AGMO: variants seen among roughly 807,000 people sequenced by gnomAD.
The protein encoded by AGMO is glyceryl-ether monooxygenase.
In AGMO, 75 loss-of-function variants were observed where a neutral mutation model predicts 60.2. The observed-to-expected ratio is 1.25, with a 90% CI of 1.03 to 1.51. The LOEUF is 1.51. Among genes scored for constraint, AGMO ranks in the 40% most tolerant of loss-of-function variants. The pLI is 0.00. For missense variants in AGMO, 763 were observed against 525.5 expected (o/e 1.45, Z -4.42); for synonymous variants, 261 against 177.1 (o/e 1.47, Z -3.76).
chr7:15,341,329 G>T (rs1399058034), intron 12 of AGMO, among the ~76,000 whole-genome samples: 1 of 152,094 alleles, frequency 6.6e-6, no homozygotes, highest in Non-Finnish European at 1.5e-5. Context: ...TCATTTCTCT[G>T]AAGTTCAAAT....
In AGMO at chr7:15,299,965, T is replaced by C. The variant is rs113970587; in HGVS notation, c.1263+65549A>G. ...GTAAAGAACAGACTATATGGGCAAA[T>C]AGTTACAGAGGGAAGAAAGCTGTGA... On this transcript the variant is annotated intron_variant, in intron 12 of 12. Coordinates refer to ENST00000342526, the MANE Select transcript of AGMO (RefSeq NM_001004320.2). Among the ~76,000 whole-genome samples the C allele has an allele frequency of 8.6e-5, 13 of 151,332 alleles. 1 individual carries two copies. Among genetic ancestry groups the C allele is most frequent in the African/African-American group, 3.2e-4 (13 of 41,242 alleles).
chr7:15,428,508 T>C (rs1201271717), intron 4 of AGMO, among the ~76,000 whole-genome samples: 1 of 152,142 alleles, frequency 6.6e-6, no homozygotes, highest in African/African-American at 2.4e-5. Flanking sequence ...TTTTTGCTGC[T>C]TTGTTACTTT....
At chr7:15,354,343 C>CAT (rs1782380857) in intron 12 of AGMO, among the ~76,000 whole-genome samples, 1 of 86,936 alleles carries the variant, frequency 1.2e-5, no homozygotes, top group Non-Finnish European at 2.3e-5. Flanking sequence ...TGTATATACA[C>CAT]GCGTGTATAT....
At chr7:15,130,755 A>T in the AGMO span, among the ~76,000 whole-genome samples, 1 of 152,148 alleles carries the variant, frequency 6.6e-6, no homozygotes, top group Non-Finnish European at 1.5e-5. Flanking sequence ...GAGAAAATAC[A>T]GTGTTGAAAT....
At position 15,494,653 on chromosome 7, in the gene AGMO, C is replaced by T. The variant is rs546875310; in HGVS notation, c.409+50119G>A. ...AAAAAAAAGTTGCCTTTTTCCTCGT[C>T]CATTTGATAGTTATGTCAATAAATG... On this transcript the variant is annotated intron_variant, in intron 3 of 12. Transcript: ENST00000342526. 1.1e-4 allele frequency among the ~76,000 whole-genome samples: 16 copies of T among 152,250 alleles called. No individual in the cohort carries two copies. The South Asian group carries it at 2.1e-3, about 20-fold the overall frequency.
At chr7:15,561,467 T>C (rs1052533451) in intron 1 of AGMO, among the ~76,000 whole-genome samples, 2 of 152,218 alleles carry the variant, frequency 1.3e-5, no homozygotes, top group Non-Finnish European at 2.9e-5. Flanking sequence ...CCAGGAAAAC[T>C]TTAAACTTTT....
rs151010566 is a variant in AGMO, at chr7:15,315,220, T to C, written c.1263+50294A>G. On this transcript the variant is annotated intron_variant, in intron 12 of 12. Transcript: ENST00000342526. Reference sequence around the variant, plus strand: ...TTTGTGTTATTGCAAGGTACTAAGTTTGTGGTAACTTGCTATGGAAGTAAT... The same window carrying C: ...TTTGTGTTATTGCAAGGTACTAAGTCTGTGGTAACTTGCTATGGAAGTAAT... Among the ~76,000 whole-genome samples the C allele has an allele frequency of 2.3e-3, 355 of 152,126 alleles. 1 individual carries two copies. The highest frequency in any genetic ancestry group is 8.0e-3 in the African/African-American group (331 of 41,496).
the AGMO span, among the ~76,000 whole-genome samples, chr7:15,127,175 C>T: frequency 3.3e-5 from 5 of 152,046 alleles, no homozygotes; most frequent in African/African-American, 1.2e-4. Flanking sequence ...CCCTGACCAC[C>T]TCGGGCACAT....
chr7:15,548,103 G>A (rs1032996590), intron 2 of AGMO, among the ~76,000 whole-genome samples: 1 of 152,050 alleles, frequency 6.6e-6, no homozygotes, highest in Non-Finnish European at 1.5e-5. Flanking sequence ...GCAGCTGACG[G>A]TCATGTCTGT....
the AGMO span, among the ~76,000 whole-genome samples, chr7:15,154,374 G>C: frequency 2.6e-5 from 4 of 152,076 alleles, no homozygotes; most frequent in Non-Finnish European, 5.9e-5. Flanking sequence ...CTGCTGAAAG[G>C]AATCATAGAT....
intron 12 of AGMO, among the ~76,000 whole-genome samples, chr7:15,336,000 C>T (rs1396232381): frequency 1.3e-5 from 2 of 152,124 alleles, no homozygotes; most frequent in Admixed American, 1.3e-4. Context: ...GGAAGATCTA[C>T]TCCAAAACAC....
intron 3 of AGMO, among the ~76,000 whole-genome samples, chr7:15,515,337 T>C (rs913520231): frequency 5.9e-5 from 9 of 152,198 alleles, no homozygotes; most frequent in African/African-American, 2.2e-4. Flanking sequence ...ACTTTGGACA[T>C]TATTTTTCTC....
At chr7:15,149,758 C>T in the AGMO span, among the ~76,000 whole-genome samples, 1 of 152,032 alleles carries the variant, frequency 6.6e-6, no homozygotes, top group Non-Finnish European at 1.5e-5. Flanking sequence ...ATGCCTCCAG[C>T]TTTGTTCTTT....
intron 3 of AGMO, among the ~76,000 whole-genome samples, chr7:15,491,167 G>A (rs961701852): frequency 4.6e-5 from 7 of 152,112 alleles, no homozygotes; most frequent in Non-Finnish European, 8.8e-5. Context: ...GCAGGCCCTG[G>A]AAAATACAGA....
intron 10 of AGMO, among the ~76,000 whole-genome samples, chr7:15,381,052 G>A (rs544404125): frequency 2.6e-5 from 4 of 152,190 alleles, no homozygotes; most frequent in Non-Finnish European, 5.9e-5. Flanking sequence ...AGACTTAAAT[G>A]TGAAACCTAA....
At chr7:15,384,940 T>C (rs1177026304) in intron 10 of AGMO, among the ~76,000 whole-genome samples, 2 of 151,490 alleles carry the variant, frequency 1.3e-5, no homozygotes, top group East Asian at 2.0e-4. Context: ...AAAGTGGCGA[T>C]CCCTGAACTA....
chr7:15,429,959 T>C (rs1781179991), intron 4 of AGMO, among the ~76,000 whole-genome samples: 3 of 151,554 alleles, frequency 2.0e-5, no homozygotes, highest in South Asian at 4.2e-4. Context: ...GAAGAGCATT[T>C]AGAATGCAGA....
At chr7:15,371,712 G>T (rs1046985309) in intron 10 of AGMO, among the ~76,000 whole-genome samples, 5 of 101,618 alleles carry the variant, frequency 4.9e-5, no homozygotes, top group South Asian at 2.9e-4. Flanking sequence ...GCTGATTTTT[G>T]TATTTTTTTT....
intron 3 of AGMO, among the ~76,000 whole-genome samples, chr7:15,483,952 AT>A (rs1191525593): frequency 6.6e-6 from 1 of 152,226 alleles, no homozygotes; most frequent in Non-Finnish European, 1.5e-5. Flanking sequence ...TCACGTTGTT[AT>A]TGGTGCAAGG....
Sources: allele counts gnomAD v4.1 joint callset (sites outside exome capture counted in the v4.1 genomes callset), GRCh38; gene constraint gnomAD v4.1.1; transcripts MANE v1.5; gene names NCBI Gene and HGNC (gene_info 2026-07-23, HGNC 2026-07-21).